DLGAP4: variants seen among roughly 807,000 people sequenced by gnomAD.
The protein encoded by DLGAP4 is disks large-associated protein 4.
In DLGAP4, 18 loss-of-function variants were observed where a neutral mutation model predicts 86.9. That is an observed-to-expected ratio of 0.21 (90% CI 0.14 to 0.31). The LOEUF is 0.31. Among genes scored for constraint, DLGAP4 ranks in the 10% least tolerant of loss-of-function variants. DLGAP4 has a pLI of 1.00. For synonymous variants in DLGAP4, 548 were observed against 574.3 expected, an observed-to-expected ratio of 0.95 and a Z score of 0.65; for missense variants, 1,085 against 1,362.6, an observed-to-expected ratio of 0.80 and a Z score of 3.21.
In DLGAP4 at chr20:36,432,385, C is replaced by G. The variant is rs2033153234; in HGVS notation, c.668C>G (p.Pro223Arg). The change falls in exon 3 of 13, where the codon CCA becomes CGA. Residue 223 changes from proline (P) to arginine (R), a missense_variant. Transcript: ENST00000339266. The surrounding 1 kb of genome is among the most constrained non-coding windows in gnomAD (Gnocchi z 6.5). ...GEAGAFRSSG[P>R]ASGLMTLGRQ... ...GCCGGCGCCTTCCGCAGCAGTGGCCCAGCCTCTGGGCTGATGACACTAGGC... is the reference window on the plus strand; with the variant it reads ...GCCGGCGCCTTCCGCAGCAGTGGCCGAGCCTCTGGGCTGATGACACTAGGC... The G allele has an allele frequency of 6.2e-7, 1 of 1,613,764 alleles. No homozygotes were observed. The highest frequency in any genetic ancestry group is 8.5e-7 in the Non-Finnish European group (1 of 1,180,048).
At chr20:36,427,437 C>T (rs2033006411) in intron 2 of DLGAP4, among the ~76,000 whole-genome samples, 1 of 145,308 alleles carries the variant, frequency 6.9e-6, no homozygotes, top group Admixed American at 6.8e-5. Context: ...GAGACCACAC[C>T]ATTGCACTCC....
At chr20:36,474,990 G>A (rs2034845928) in intron 7 of DLGAP4, among the ~76,000 whole-genome samples, 1 of 152,134 alleles carries the variant, frequency 6.6e-6, no homozygotes, top group Non-Finnish European at 1.5e-5. Context: ...TAGATGCTGA[G>A]AAATTGGGGA....
intron 2 of DLGAP4, among the ~76,000 whole-genome samples, chr20:36,380,246 C>CA (rs869027808): frequency 0.015 from 1,925 of 124,480 alleles, 23 homozygotes; most frequent in African/African-American, 0.034. Context: ...ACAAAAAATA[C>CA]AAAAAAAAAA....
intron 10 of DLGAP4, among the ~76,000 whole-genome samples, chr20:36,506,181 A>C (rs1048108365): frequency 6.6e-6 from 1 of 152,152 alleles, no homozygotes; most frequent in African/African-American, 2.4e-5. Context: ...GCACAGATTG[A>C]GACAGTAAGC....
chr20:36,462,611 G>A, intron 7 of DLGAP4: 6 of 1,591,710 alleles, frequency 3.8e-6, no homozygotes, highest in Admixed American at 1.8e-5. Flanking sequence ...TGAGTGGTGG[G>A]GTGTCCGGGT....
intron 2 of DLGAP4, among the ~76,000 whole-genome samples, chr20:36,416,322 A>T (rs1014927531): frequency 6.6e-6 from 1 of 152,202 alleles, no homozygotes; most frequent in Non-Finnish European, 1.5e-5. Flanking sequence ...GGGTTTCACC[A>T]TGTTGGCTAG....
chr20:36,378,279 T>C (rs549328780), intron 2 of DLGAP4, among the ~76,000 whole-genome samples: 83 of 152,222 alleles, frequency 5.5e-4, no homozygotes, highest in African/African-American at 1.9e-3. Flanking sequence ...ATCTGTAAAA[T>C]GGGGATAATA....
At chr20:36,317,243 C>CT (rs1368351255) in intron 1 of DLGAP4, among the ~76,000 whole-genome samples, 1 of 52,090 alleles carries the variant, frequency 1.9e-5, no homozygotes, top group Non-Finnish European at 3.4e-5. Context: ...TTCTTTCTTT[C>CT]TTTCTTTCTT....
intron 1 of DLGAP4, among the ~76,000 whole-genome samples, chr20:36,362,310 T>G (rs1354321060): frequency 6.6e-6 from 1 of 152,104 alleles, no homozygotes; most frequent in South Asian, 2.1e-4. Flanking sequence ...GCTTTACTTC[T>G]GGGTGAGTGA....
chr20:36,437,820 GAAGATA>G (rs1244295100), intron 4 of DLGAP4, among the ~76,000 whole-genome samples: 1 of 152,222 alleles, frequency 6.6e-6, no homozygotes, highest in East Asian at 1.9e-4. Flanking sequence ...TGACTGGGCA[GAAGATA>G]GAGAATGGCC....
intron 1 of DLGAP4, among the ~76,000 whole-genome samples, chr20:36,355,502 G>T (rs2030299367): frequency 6.6e-6 from 1 of 152,102 alleles, no homozygotes; most frequent in Non-Finnish European, 1.5e-5. Context: ...TCACCATTTT[G>T]CCCAGGCTGG....
chr20:36,316,783 C>T (rs2065104623), intron 1 of DLGAP4, among the ~76,000 whole-genome samples: 1 of 151,990 alleles, frequency 6.6e-6, no homozygotes, highest in Non-Finnish European at 1.5e-5. Context: ...GACAGCAGCC[C>T]AGGCCAGCCC....
chr20:36,505,601 C>A (rs1230426655), intron 10 of DLGAP4, among the ~76,000 whole-genome samples: 2 of 152,006 alleles, frequency 1.3e-5, no homozygotes, highest in Non-Finnish European at 2.9e-5. Flanking sequence ...ATAGCGAGAC[C>A]CCCATCTCTA....
chr20:36,500,728 G>A lies in DLGAP4; in HGVS notation c.2512+117G>A. ...GGGGTCTCTTAGGTTCTCTTCTTGGGCTAGTTTTTGAGCTCCCTTCTTACT... is the reference window on the plus strand; with the variant it reads ...GGGGTCTCTTAGGTTCTCTTCTTGGACTAGTTTTTGAGCTCCCTTCTTACT... On this transcript the variant is annotated intron_variant, in intron 10 of 12. Coordinates refer to ENST00000339266, the MANE Select transcript of DLGAP4 (RefSeq NM_001365621.2). This position sits in a 1 kb window ranked among gnomAD's most constrained non-coding sequence, Gnocchi z 4.6. The A allele has an allele frequency of 1.0e-6, 1 of 999,508 alleles. No homozygotes were observed. The highest frequency in any genetic ancestry group is 1.3e-6 in the Non-Finnish European group (1 of 743,584). 61.9% of individuals were successfully genotyped at this position (999,508 alleles called of 1,614,324 possible). A position where few individuals can be genotyped will look rare whatever the true frequency, so the allele number is the denominator to read the frequency against.
At chr20:36,391,693 T>C (rs549232760) in intron 2 of DLGAP4, among the ~76,000 whole-genome samples, 122 of 152,260 alleles carry the variant, frequency 8.0e-4, no homozygotes, top group African/African-American at 2.8e-3. Context: ...GTCTTGCAAA[T>C]GGAACAGCGC....
In DLGAP4 at chr20:36,497,212, C is replaced by T. The variant is rs1298071361; in HGVS notation, c.2010+146C>T. ...GGGGATCAGCCCCAAGTGGCCAAAC[C>T]GAATTCCACCCATAGCCACGCCTCG... On this transcript the variant is annotated intron_variant, in intron 8 of 12. Coordinates refer to ENST00000339266, the MANE Select transcript of DLGAP4 (RefSeq NM_001365621.2). 1.2e-5 allele frequency: 17 copies of T among 1,448,326 alleles called. No homozygotes were observed. The East Asian group carries it at 1.2e-4, about 11-fold the overall frequency. 89.7% of individuals were successfully genotyped at this position (1,448,326 alleles called of 1,614,324 possible). A position where few individuals can be genotyped will look rare whatever the true frequency, so the allele number is the denominator to read the frequency against.
At chr20:36,424,465 G>A (rs755286110) in intron 2 of DLGAP4, among the ~76,000 whole-genome samples, 1 of 152,230 alleles carries the variant, frequency 6.6e-6, no homozygotes, top group African/African-American at 2.4e-5. Context: ...GAGGCAGTTA[G>A]AGATCCAAGT....
intron 1 of DLGAP4, among the ~76,000 whole-genome samples, chr20:36,349,937 C>T (rs1555893348): frequency 6.6e-6 from 1 of 152,220 alleles, no homozygotes; most frequent in East Asian, 1.9e-4. Context: ...CTGCCATATA[C>T]TCCCAACCCC....
intron 5 of DLGAP4, 141 bp from the exon 6 acceptor site, chr20:36,442,586 A>T: frequency 3.6e-6 from 3 of 824,306 alleles, no homozygotes; most frequent in Non-Finnish European, 6.1e-6. Context: ...GCCAAGTGAG[A>T]CCTCCTAGCA....
Sources: gnomAD v4.1 joint callset for allele counts (sites outside exome capture counted in the v4.1 genomes callset) on GRCh38, gnomAD v4.1.1 for gene constraint, Gnocchi (gnomAD v3.1) non-coding constraint, MANE v1.5 for transcripts, NCBI Gene and HGNC (gene_info 2026-07-23, HGNC 2026-07-21) for gene names.